Variants in CFAP54 observed in about 807,000 individuals in gnomAD.
CFAP54 encodes cilia- and flagella-associated protein 54.
A neutral mutation model predicts 370.4 loss-of-function variants in CFAP54; 290 were observed. The ratio of observed to expected loss-of-function variants is 0.78; its 90% confidence interval spans 0.71 to 0.86. CFAP54 has a LOEUF of 0.86. Among genes scored for constraint, CFAP54 ranks in the 40% least tolerant of loss-of-function variants. The pLI is 0.00. For missense variants in CFAP54, 3,399 were observed against 3,528.7 expected, an observed-to-expected ratio of 0.96 and a Z score of 0.93; for synonymous variants, 1,206 against 1,236.5, an observed-to-expected ratio of 0.98 and a Z score of 0.52.
intron 43 of CFAP54, among the ~76,000 whole-genome samples, chr12:96,689,982 G>A (rs1264105846): frequency 6.6e-6 from 1 of 152,140 alleles, no homozygotes; most frequent in Admixed American, 6.6e-5. Context: ...TCTTGCCTGG[G>A]CTTCAAAGGG....
chr12:96,813,959 G>C (rs1958951621), intron 64 of CFAP54, among the ~76,000 whole-genome samples: 1 of 152,190 alleles, frequency 6.6e-6, no homozygotes, highest in Admixed American at 6.5e-5. Context: ...GATGTAGGCA[G>C]GTGCAGTCAT....
chr12:96,692,207 T>C (rs183667167), intron 44 of CFAP54, among the ~76,000 whole-genome samples: 1 of 152,310 alleles, frequency 6.6e-6, no homozygotes, highest in East Asian at 1.9e-4. Context: ...ATTAAAGAGA[T>C]TGATAAGTGC....
chr12:96,765,103 C>A lies in CFAP54; in HGVS notation c.8166C>A (p.Asn2722Lys). The change falls in exon 60 of 68, where the codon AAC (asparagine) becomes AAA (lysine). Residue 2722 changes from asparagine (N) to lysine (K), a missense_variant. Transcript: ENST00000524981. ...AQVSEAVLAI[N>K]LLIGKKNTRM... is the part of the protein sequence containing the mutation. ...TCAGTGAAGCTGTGCTGGCAATTAA[C>A]TTACTTATTGGAAAGAAGAATACTA... 6.7e-7 allele frequency: 1 copy of A among 1,488,022 alleles called. No homozygotes were observed. The highest frequency in any genetic ancestry group is 9.1e-7 in the Non-Finnish European group (1 of 1,098,754). 92.2% of individuals were successfully genotyped at this position (1,488,022 alleles called of 1,614,324 possible). A position where few individuals can be genotyped will look rare whatever the true frequency, so the allele number is the denominator to read the frequency against.
chr12:96,704,854 C>T, intron 47 of CFAP54, 58 bp downstream of exon 47: 1 of 603,790 alleles, frequency 1.7e-6, no homozygotes, highest in Non-Finnish European at 2.7e-6. Context: ...ATTTTTGAGT[C>T]ATTCTAATCT....
intron 48 of CFAP54, among the ~76,000 whole-genome samples, chr12:96,709,465 G>C (rs1281732596): frequency 6.6e-6 from 1 of 152,138 alleles, no homozygotes; most frequent in Non-Finnish European, 1.5e-5. Context: ...GATGTTAACT[G>C]TGGGTTTTTC....
Position 96,516,167 on chromosome 12 carries a change from G to A in CFAP54, c.799-2761G>A, listed in dbSNP as rs568222847. 6.6e-5 allele frequency among the ~76,000 whole-genome samples: 10 copies of A among 151,894 alleles called. No individual in the cohort carries two copies. The East Asian group carries it at 1.7e-3, about 26-fold the overall frequency. On this transcript the variant is annotated intron_variant, in intron 5 of 67. Coordinates refer to ENST00000524981, the MANE Select transcript of CFAP54 (RefSeq NM_001306084.2). Reference sequence around the variant, plus strand: ...CCTGACCTCGTGATCCACCCGCCTCGGCCTCCCAAAGTGCTGGGATTACAG... The same window carrying A: ...CCTGACCTCGTGATCCACCCGCCTCAGCCTCCCAAAGTGCTGGGATTACAG...
At position 96,533,871 on chromosome 12, in the gene CFAP54, T is replaced by C. The variant is rs1216786200; in HGVS notation, c.1437T>C (p.Val479=). 1 of 1,535,304 alleles carries C rather than the reference T, an allele frequency of 6.5e-7. No individual in the cohort carries two copies. The highest frequency in any genetic ancestry group is 2.0e-5 in the Admixed American group (1 of 50,960). Residue 479 remains valine (V), a synonymous_variant, in exon 10 of 68, where the codon GTT becomes GTC. Transcript: ENST00000524981. ...LLELMIGRKD[V]ISVDAAVKFI... is the part of the protein sequence containing the mutation. ...AACTTATGATAGGAAGAAAAGATGTTATTTCTGTGGATGCTGCTGTGAAAT... is the reference window on the plus strand; with the variant it reads ...AACTTATGATAGGAAGAAAAGATGTCATTTCTGTGGATGCTGCTGTGAAAT...
chr12:96,844,324 G>A lies in CFAP54; in HGVS notation c.9171+15236G>A, dbSNP rs376475323. Among the ~76,000 whole-genome samples the A allele has an allele frequency of 2.0e-5, 3 of 152,292 alleles. No homozygotes were observed. In the East Asian group the frequency reaches 5.8e-4, roughly 29 times the overall value. On this transcript the variant is annotated intron_variant, in intron 66 of 67. Coordinates refer to ENST00000524981, the MANE Select transcript of CFAP54 (RefSeq NM_001306084.2). ...ACACCAGAAGAGGAGACGGCCATGT[G>A]ATGACGGAAGCAGAGACAGGAGTGA...
At chr12:96,544,145 A>G (rs1955610428) in intron 14 of CFAP54, among the ~76,000 whole-genome samples, 1 of 151,746 alleles carries the variant, frequency 6.6e-6, no homozygotes, top group Admixed American at 6.6e-5. Context: ...AATAACATAA[A>G]CCATCAATGA....
At chr12:96,642,957 C>T (rs1347493278) in intron 32 of CFAP54, among the ~76,000 whole-genome samples, 2 of 152,136 alleles carry the variant, frequency 1.3e-5, no homozygotes, top group Non-Finnish European at 2.9e-5. Flanking sequence ...CATTACCTTG[C>T]CAAGATACCT....
chr12:96,599,386 A>G (rs1956216323), intron 26 of CFAP54, among the ~76,000 whole-genome samples: 2 of 152,108 alleles, frequency 1.3e-5, no homozygotes, highest in South Asian at 2.1e-4. Flanking sequence ...TATGTGCCAC[A>G]TGTTCTTTAT....
chr12:96,629,878 A>T (rs966875778), intron 30 of CFAP54, among the ~76,000 whole-genome samples: 12 of 152,156 alleles, frequency 7.9e-5, no homozygotes, highest in Non-Finnish European at 1.5e-5. Context: ...ATCTTCATTG[A>T]TACTCACATT....
chr12:96,531,913 A>G (rs1389398098), intron 9 of CFAP54, among the ~76,000 whole-genome samples: 1 of 152,012 alleles, frequency 6.6e-6, no homozygotes, highest in Non-Finnish European at 1.5e-5. Context: ...TTTAGTAGAG[A>G]TGGGGTTCCA....
chr12:96,608,186 T>C (rs1038468387), intron 26 of CFAP54, among the ~76,000 whole-genome samples: 1 of 152,138 alleles, frequency 6.6e-6, no homozygotes, highest in East Asian at 1.9e-4. Context: ...AGAGTCATTC[T>C]TGAAAGAAAA....
Position 96,525,208 on chromosome 12 carries a change from A to C in CFAP54, c.1159-2038A>C, listed in dbSNP as rs567276495. ...TTTCATAAAATGGCTTGCCATTTTA[A>C]CTTTATTTCTTTGAGCCAACTTTTC... is the stretch of plus-strand genomic sequence containing the variant. On this transcript the variant is annotated intron_variant, in intron 8 of 67. Coordinates refer to ENST00000524981, the MANE Select transcript of CFAP54 (RefSeq NM_001306084.2). 5.0e-4 allele frequency among the ~76,000 whole-genome samples: 76 copies of C among 151,840 alleles called. 1 individual carries two copies. The highest frequency in any genetic ancestry group is 1.8e-3 in the African/African-American group (74 of 41,532).
At chr12:96,707,017 A>C (rs1191025989) in intron 47 of CFAP54, among the ~76,000 whole-genome samples, 1 of 152,122 alleles carries the variant, frequency 6.6e-6, no homozygotes, top group African/African-American at 2.4e-5. Flanking sequence ...AAGATCACCT[A>C]AGGGGAGGGA....
chr12:96,651,722 T>C lies in CFAP54; in HGVS notation c.5007T>C (p.Asp1669=). The C allele has an allele frequency of 1.2e-6, 2 of 1,613,974 alleles. No homozygotes were observed. The highest frequency in any genetic ancestry group is 1.7e-6 in the Non-Finnish European group (2 of 1,179,818). ...ATAAAACATTTCCTATTAGCCAAGA[T>C]GGTTTCCTCTGCACCTCTGTTTTAC... ...DLDKTFPISQ[D]GFLCTSVLPF... The change falls in exon 36 of 68, where the codon GAT becomes GAC. Residue 1669 remains aspartate (D), a synonymous_variant. Coordinates refer to ENST00000524981, the MANE Select transcript of CFAP54 (RefSeq NM_001306084.2).
intron 60 of CFAP54, among the ~76,000 whole-genome samples, chr12:96,767,019 T>C (rs1565970996): frequency 6.6e-6 from 1 of 152,168 alleles, no homozygotes; most frequent in Non-Finnish European, 1.5e-5. Flanking sequence ...CTTCTCATGG[T>C]AGATACCAGA....
chr12:96,526,482 C>G (rs902167944), intron 8 of CFAP54, among the ~76,000 whole-genome samples: 2 of 152,150 alleles, frequency 1.3e-5, no homozygotes, highest in African/African-American at 4.8e-5. Flanking sequence ...ATGAGAATAT[C>G]CTGTGGTGCT....
Sources: gnomAD v4.1 joint callset for allele counts (sites outside exome capture counted in the v4.1 genomes callset) on GRCh38, gnomAD v4.1.1 for gene constraint, MANE v1.5 for transcripts, NCBI Gene and HGNC (gene_info 2026-07-23, HGNC 2026-07-21) for gene names.